LANCL3: variants seen among roughly 807,000 people sequenced by gnomAD.
The protein encoded by LANCL3 is lanC-like protein 3.
LANCL3 carries 19 observed loss-of-function variants against 26.5 expected under a neutral mutation model. The observed-to-expected ratio is 0.72, with a 90% CI of 0.50 to 1.05. The LOEUF (loss-of-function observed/expected upper bound fraction) is 1.05, where lower values mean the gene tolerates loss of function less well. LANCL3 is among the 50% of genes least tolerant of loss of function. LANCL3 has a pLI of 0.00. For synonymous variants in LANCL3, 160 were observed against 166.6 expected (o/e 0.96, Z 0.30); for missense variants, 318 against 362.7 (o/e 0.88, Z 1.00).
chrX:37,572,424 A>C lies in LANCL3; in HGVS notation c.554A>C (p.Lys185Thr). The change falls in exon 1 of 5, where the codon AAG (lysine) becomes ACG (threonine). Residue 185 changes from lysine (K) to threonine (T), a missense_variant. Transcript: ENST00000378619. Reference sequence around the variant, plus strand: ...TACCTGTGTGCCGCGCTGGTGCTCAAGCAGAAACTCGCCCAGGAGGTAAGA... The same window carrying C: ...TACCTGTGTGCCGCGCTGGTGCTCACGCAGAAACTCGCCCAGGAGGTAAGA... ...AGYLCAALVL[K>T]QKLAQEVLTP... is the part of the protein sequence containing the mutation. 8.5e-7 allele frequency: 1 copy of C among 1,175,465 alleles called. No homozygotes were observed. Among genetic ancestry groups the C allele is most frequent in the Non-Finnish European group, 1.1e-6 (1 of 877,193 alleles).
chrX:37,664,667 G>A (rs1486169313), intron 3 of LANCL3, among the ~76,000 whole-genome samples: 1 of 111,366 alleles, frequency 9.0e-6, no homozygotes, highest in Non-Finnish European at 1.9e-5. Context: ...TGTCATGCAG[G>A]TAGTGAGCAT....
At chrX:37,612,067 A>T (rs1255875914) in intron 1 of LANCL3, among the ~76,000 whole-genome samples, 1 of 110,045 alleles carries the variant, frequency 9.1e-6, no homozygotes, top group African/African-American at 3.3e-5. Flanking sequence ...CAGCCTCCCG[A>T]GTAGCTGGGA....
At chrX:37,664,949 C>A (rs973427110) in intron 3 of LANCL3, among the ~76,000 whole-genome samples, 1 of 111,344 alleles carries the variant, frequency 9.0e-6, no homozygotes, top group Non-Finnish European at 1.9e-5. Flanking sequence ...TTTATTTATC[C>A]ATTCCACCAC....
chrX:37,657,512 T>C (rs1435037559), intron 2 of LANCL3, among the ~76,000 whole-genome samples: 1 of 108,291 alleles, frequency 9.2e-6, no homozygotes, highest in Non-Finnish European at 1.9e-5. Flanking sequence ...CAGGTATGCT[T>C]CAGTATGCCT....
At chrX:37,643,618 A>G (rs1054786979) in intron 1 of LANCL3, among the ~76,000 whole-genome samples, 9 of 112,358 alleles carry the variant, frequency 8.0e-5, no homozygotes, top group African/African-American at 3.2e-5. Flanking sequence ...GAAGGCTGCA[A>G]GTGTGGTGAT....
intron 1 of LANCL3, among the ~76,000 whole-genome samples, chrX:37,633,895 TGAG>T (rs1346835826): frequency 8.9e-6 from 1 of 112,240 alleles, no homozygotes; most frequent in Non-Finnish European, 1.9e-5. Flanking sequence ...GGGACCCACT[TGAG>T]GAGGCAGTCT....
At chrX:37,621,931 C>T (rs1256328288) in intron 1 of LANCL3, among the ~76,000 whole-genome samples, 1 of 111,518 alleles carries the variant, frequency 9.0e-6, no homozygotes, top group Non-Finnish European at 1.9e-5. Flanking sequence ...TCCCTGGTGC[C>T]GCGTGAGGAT....
At chrX:37,587,510 C>A (rs1260855340) in intron 1 of LANCL3, among the ~76,000 whole-genome samples, 1 of 112,846 alleles carries the variant, frequency 8.9e-6, no homozygotes, top group Non-Finnish European at 1.9e-5. Flanking sequence ...CGCCCCTCCC[C>A]CAGCCTTGCT....
At chrX:37,612,080 A>G (rs1556421241) in intron 1 of LANCL3, among the ~76,000 whole-genome samples, 1 of 110,316 alleles carries the variant, frequency 9.1e-6, no homozygotes, top group African/African-American at 3.3e-5. Context: ...AGCTGGGACT[A>G]CGGGCATGGG....
intron 1 of LANCL3, among the ~76,000 whole-genome samples, chrX:37,597,504 C>T (rs1403938281): frequency 9.1e-6 from 1 of 109,961 alleles, no homozygotes; most frequent in East Asian, 2.8e-4. Flanking sequence ...TTCTCCATAC[C>T]CTCACCAACA....
chrX:37,592,380 C>T (rs1265165019), intron 1 of LANCL3, among the ~76,000 whole-genome samples: 6 of 112,147 alleles, frequency 5.4e-5, no homozygotes, highest in African/African-American at 1.3e-4. Context: ...TAAATAGGAA[C>T]GGTCATTCAA....
chrX:37,612,476 G>A (rs781916664), intron 1 of LANCL3, among the ~76,000 whole-genome samples: 1 of 111,899 alleles, frequency 8.9e-6, no homozygotes, highest in South Asian at 3.7e-4. Context: ...TGGGAAATTA[G>A]GAGTTTCTTA....
chrX:37,595,919 T>C (rs1443924168), intron 1 of LANCL3, among the ~76,000 whole-genome samples: 1 of 111,954 alleles, frequency 8.9e-6, no homozygotes, highest in Non-Finnish European at 1.9e-5. Flanking sequence ...GAGAGTAATA[T>C]AGAAAATTGT....
rs1927003202 is a variant in LANCL3, at chrX:37,684,193, A to C, written c.*8380A>C. The C allele has an allele frequency of 8.9e-6, 1 of 112,383 alleles. No individual in the cohort carries two copies. The highest frequency in any genetic ancestry group is 1.9e-5 in the Non-Finnish European group (1 of 53,278). 9.3% of individuals were successfully genotyped at this position (112,383 alleles called of 1,213,427 possible). ...CACTGCATGGTATAATGAAATCTCT[A>C]TAAGCAAGATAGAGTCAGAAGCTTA... On this transcript the variant is annotated 3_prime_UTR_variant, in exon 5 of 5. Coordinates refer to ENST00000378619, the MANE Select transcript of LANCL3 (RefSeq NM_001170331.2).
At position 37,653,132 on chromosome X, in the gene LANCL3, T is replaced by G. The variant is rs189803512; in HGVS notation, c.574-2556T>G. Reference sequence around the variant, plus strand: ...ATAAGAGGAAACCACCCAGACATGATACATGACCATGGGAGGTTTTGAAAT... The same window carrying G: ...ATAAGAGGAAACCACCCAGACATGAGACATGACCATGGGAGGTTTTGAAAT... On this transcript the variant is annotated intron_variant, in intron 1 of 4. Transcript: ENST00000378619. Among the ~76,000 whole-genome samples the G allele has an allele frequency of 9.0e-5, 10 of 111,223 alleles. No homozygotes were observed. In the East Asian group the frequency reaches 2.8e-3, roughly 31 times the overall value.
rs1926852149 is a variant in LANCL3, at chrX:37,677,810, T to C, written c.*1997T>C. 8.9e-6 allele frequency: 1 copy of C among 112,300 alleles called. No homozygotes were observed. Among genetic ancestry groups the C allele is most frequent in the Admixed American group, 9.4e-5 (1 of 10,637 alleles). 9.3% of individuals were successfully genotyped at this position (112,300 alleles called of 1,213,427 possible). On this transcript the variant is annotated 3_prime_UTR_variant, in exon 5 of 5. Coordinates refer to ENST00000378619, the MANE Select transcript of LANCL3 (RefSeq NM_001170331.2). ...CCAGGATTCAAACCCAGGGTTTCAC[T>C]TTCTAAGTTTATTTATTCAGTATTC...
At chrX:37,575,045 C>T (rs140990419) in intron 1 of LANCL3, among the ~76,000 whole-genome samples, 2,623 of 109,408 alleles carry the variant, frequency 0.024, 75 homozygotes, top group African/African-American at 0.083. Flanking sequence ...CCTACCTCAG[C>T]CTCCCAAGTA....
At chrX:37,661,011 G>GGT (rs1556432460) in intron 3 of LANCL3, among the ~76,000 whole-genome samples, 76 of 106,003 alleles carry the variant, frequency 7.2e-4, no homozygotes, top group Non-Finnish European at 1.2e-3. Flanking sequence ...TGTGGGCGGG[G>GGT]GGGGAACAAG....
At chrX:37,602,412 C>G (rs1304495613) in intron 1 of LANCL3, among the ~76,000 whole-genome samples, 4 of 111,776 alleles carry the variant, frequency 3.6e-5, no homozygotes, top group African/African-American at 1.3e-4. Flanking sequence ...TAGAATGCCT[C>G]TTGGGACACT....
Sources: gnomAD v4.1 joint callset for allele counts (sites outside exome capture counted in the v4.1 genomes callset) on GRCh38, gnomAD v4.1.1 for gene constraint, MANE v1.5 for transcripts, NCBI Gene and HGNC (gene_info 2026-07-23, HGNC 2026-07-21) for gene names.